The following CSMD2 variants were observed in gnomAD, a reference collection of about 807,000 sequenced individuals.
The protein encoded by CSMD2 is CUB and sushi domain-containing protein 2.
Under a neutral mutation model 398.5 loss-of-function variants are expected in CSMD2, and 130 were observed. The observed-to-expected ratio is 0.33, with a 90% CI of 0.28 to 0.38. The LOEUF is 0.38. CSMD2 is among the 10% of genes least tolerant of loss of function. The pLI is 1.00. For synonymous variants in CSMD2, 1,828 were observed against 1,908.5 expected (o/e 0.96, Z 1.10); for missense variants, 3,829 against 4,764.9 (o/e 0.80, Z 5.78).
intron 1 of CSMD2, among the ~76,000 whole-genome samples, chr1:34,124,926 G>A (rs1003861067): frequency 3.3e-5 from 5 of 152,080 alleles, no homozygotes; most frequent in African/African-American, 1.2e-4. Context: ...TTCCATCAAT[G>A]CCCCCTCCCC....
At chr1:34,033,868 T>C (rs1006255061) in intron 2 of CSMD2, among the ~76,000 whole-genome samples, 5 of 152,194 alleles carry the variant, frequency 3.3e-5, no homozygotes, top group Admixed American at 6.5e-5. Context: ...AAAACCCTTA[T>C]GCTAGATGAA....
At chr1:33,695,019 C>T (rs1645372680) in intron 24 of CSMD2, among the ~76,000 whole-genome samples, 1 of 152,118 alleles carries the variant, frequency 6.6e-6, no homozygotes, top group African/African-American at 2.4e-5. Context: ...GACCAATCTC[C>T]CTGAGCAAAG....
chr1:33,635,171 A>G lies in CSMD2; in HGVS notation c.5086+43T>C. 8.3e-7 allele frequency: 1 copy of G among 1,208,158 alleles called. No individual in the cohort carries two copies. 74.8% of individuals were successfully genotyped at this position (1,208,158 alleles called of 1,614,324 possible). Reference sequence around the variant, plus strand: ...AATTGCTCATTTTGGAATGAGGGTGAGGAGTCAGAAAACATATGAACAACA... The same window carrying G: ...AATTGCTCATTTTGGAATGAGGGTGGGGAGTCAGAAAACATATGAACAACA... On this transcript the variant is annotated intron_variant, in intron 31 of 70. Coordinates refer to ENST00000373381, the MANE Select transcript of CSMD2 (RefSeq NM_001281956.2). This position sits in a 1 kb window ranked among gnomAD's most constrained non-coding sequence, Gnocchi z 5.0.
At chr1:33,670,090 C>A (rs750579442) in intron 25 of CSMD2, among the ~76,000 whole-genome samples, 14 of 152,158 alleles carry the variant, frequency 9.2e-5, no homozygotes, top group Admixed American at 2.0e-4. Context: ...TCTTCTACCC[C>A]CTGACTGATG....
At chr1:34,035,533 T>C (rs1442762839) in intron 2 of CSMD2, among the ~76,000 whole-genome samples, 1 of 152,152 alleles carries the variant, frequency 6.6e-6, no homozygotes, top group Non-Finnish European at 1.5e-5. Context: ...TGTCTAAAGA[T>C]GCAAGGCTGG....
Position 33,633,306 on chromosome 1 carries a change from C to T in CSMD2, c.5200+116G>A. On this transcript the variant is annotated intron_variant, in intron 32 of 70. Coordinates refer to ENST00000373381, the MANE Select transcript of CSMD2 (RefSeq NM_001281956.2). The surrounding 1 kb of genome is among the most constrained non-coding windows in gnomAD (Gnocchi z 5.0). ...GACAAGCACCAGAACACGACAGGCA[C>T]GCAGAGCCGTAGGGTTCCACCTGCG... is the stretch of plus-strand genomic sequence containing the variant. 9.4e-6 allele frequency: 7 copies of T among 748,406 alleles called. No homozygotes were observed. Among genetic ancestry groups the T allele is most frequent in the Non-Finnish European group, 1.1e-5 (5 of 437,612 alleles). The allele number at this position is 748,406 out of a possible 1,614,324, so 46.4% of individuals were successfully genotyped here.
At chr1:33,843,503 G>T (rs904198901) in intron 6 of CSMD2, among the ~76,000 whole-genome samples, 1 of 152,164 alleles carries the variant, frequency 6.6e-6, no homozygotes, top group Non-Finnish European at 1.5e-5. Flanking sequence ...AGACTATAGT[G>T]CCACAAAGCT....
At chr1:33,698,050 T>C (rs926862521) in intron 24 of CSMD2, among the ~76,000 whole-genome samples, 1 of 152,106 alleles carries the variant, frequency 6.6e-6, no homozygotes, top group Non-Finnish European at 1.5e-5. Flanking sequence ...CGAAGCAGTA[T>C]GGGGGAACTC....
At chr1:33,622,878 T>C (rs1312602977) in intron 36 of CSMD2, among the ~76,000 whole-genome samples, 1 of 152,232 alleles carries the variant, frequency 6.6e-6, no homozygotes, top group African/African-American at 2.4e-5. Context: ...CCAAGACTTG[T>C]GCATGAGCAT....
chr1:33,631,220 T>C (rs749464635), intron 32 of CSMD2, among the ~76,000 whole-genome samples: 1 of 152,106 alleles, frequency 6.6e-6, no homozygotes, highest in Non-Finnish European at 1.5e-5. Flanking sequence ...TCACCACTAA[T>C]ACAAAGCAGG....
At chr1:33,879,776 A>T (rs1641104625) in intron 5 of CSMD2, among the ~76,000 whole-genome samples, 1 of 152,164 alleles carries the variant, frequency 6.6e-6, no homozygotes, top group African/African-American at 2.4e-5. Flanking sequence ...CATTCTTCTG[A>T]TCCTCCTTCT....
chr1:33,627,405 G>T (rs868508825), intron 32 of CSMD2, among the ~76,000 whole-genome samples: 2 of 152,118 alleles, frequency 1.3e-5, no homozygotes, highest in Non-Finnish European at 2.9e-5. Context: ...GAGAACATGG[G>T]TGGAGGCAGC....
intron 37 of CSMD2, among the ~76,000 whole-genome samples, chr1:33,618,099 G>A (rs1159940294): frequency 6.6e-6 from 1 of 152,140 alleles, no homozygotes; most frequent in Non-Finnish European, 1.5e-5. Context: ...GATGCTCAGG[G>A]GCTCAGTTAG....
chr1:34,155,831 T>A (rs1230721840), intron 1 of CSMD2, among the ~76,000 whole-genome samples: 1 of 152,238 alleles, frequency 6.6e-6, no homozygotes, highest in Non-Finnish European at 1.5e-5. Flanking sequence ...GCTTCTTTTT[T>A]AAAGAGCTTC....
intron 3 of CSMD2, among the ~76,000 whole-genome samples, chr1:34,020,927 C>A (rs1013262395): frequency 6.6e-6 from 1 of 152,120 alleles, no homozygotes; most frequent in Non-Finnish European, 1.5e-5. Flanking sequence ...GACTGTGAAA[C>A]AACTCCTATC....
rs1015423411 is a variant in CSMD2 at position 33,515,082 on chromosome 1, A to G, written c.*1542T>C. The G allele has an allele frequency of 1.3e-5, 2 of 152,218 alleles. No homozygotes were observed. The highest frequency in any genetic ancestry group is 1.3e-4 in the Admixed American group (2 of 15,278). The allele number at this position is 152,218 out of a possible 1,614,324, so 9.4% of individuals were successfully genotyped here. A position where few individuals can be genotyped will look rare whatever the true frequency, so the allele number is the denominator to read the frequency against. Reference sequence around the variant, plus strand: ...CAGAGAAAGTGGCCCTAAATGCTATACTTTGATTCCTAAACTCATGAACTT... The same window carrying G: ...CAGAGAAAGTGGCCCTAAATGCTATGCTTTGATTCCTAAACTCATGAACTT... On this transcript the variant is annotated 3_prime_UTR_variant, in exon 71 of 71. Transcript: ENST00000373381.
intron 5 of CSMD2, among the ~76,000 whole-genome samples, chr1:33,871,883 G>A (rs755825034): frequency 2.7e-4 from 41 of 152,108 alleles, no homozygotes; most frequent in Non-Finnish European, 3.8e-4. Context: ...CTGGGATTAC[G>A]GCACGAGCCA....
In CSMD2 at chr1:33,630,669, T is replaced by C. The variant is rs548978345; in HGVS notation, c.5200+2753A>G. On this transcript the variant is annotated intron_variant, in intron 32 of 70. Transcript: ENST00000373381. ...AAAGGTCCTTGGCTACTGAAGGGAC[T>C]TCAATTAATCCCCAAAGAAGAAATG... 5.9e-5 allele frequency among the ~76,000 whole-genome samples: 9 copies of C among 152,314 alleles called. No homozygotes were observed. In the East Asian group the frequency reaches 1.5e-3, roughly 26 times the overall value.
chr1:33,751,109 A>G (rs372436539), intron 13 of CSMD2, among the ~76,000 whole-genome samples: 3 of 152,194 alleles, frequency 2.0e-5, no homozygotes, highest in South Asian at 4.1e-4. Flanking sequence ...TTAAGAGGCA[A>G]CCAACAAAGA....
Sources: allele counts gnomAD v4.1 joint callset (sites outside exome capture counted in the v4.1 genomes callset), GRCh38; gene constraint gnomAD v4.1.1; non-coding constraint Gnocchi (gnomAD v3.1); transcripts MANE v1.5; gene names NCBI Gene and HGNC (gene_info 2026-07-23, HGNC 2026-07-21).